The following GALNT14 variants were observed in gnomAD, a reference collection of about 807,000 sequenced individuals.
GALNT14 encodes the protein polypeptide N-acetylgalactosaminyltransferase 14.
Under a neutral mutation model 77.5 loss-of-function variants are expected in GALNT14, and 60 were observed. That is an observed-to-expected ratio of 0.77 (90% CI 0.63 to 0.96). GALNT14 has a LOEUF of 0.96. Among genes scored for constraint, GALNT14 ranks in the 40% least tolerant of loss-of-function variants. GALNT14 has a pLI of 0.00. For missense variants in GALNT14, 710 were observed against 731.0 expected (o/e 0.97, Z 0.33); for synonymous variants, 280 against 281.7 (o/e 0.99, Z 0.06).
chr2:31,008,528 C>T (rs763899529), intron 1 of GALNT14, among the ~76,000 whole-genome samples: 1 of 152,110 alleles, frequency 6.6e-6, no homozygotes, highest in African/African-American at 2.4e-5. Flanking sequence ...AATGGCTCCC[C>T]CCAGCCTTGC....
chr2:31,024,023 T>A lies in GALNT14; in HGVS notation c.130-31016A>T, dbSNP rs111321711. 4.6e-3 allele frequency among the ~76,000 whole-genome samples: 707 copies of A among 152,288 alleles called. 9 individuals are homozygous for A. Among genetic ancestry groups the A allele is most frequent in the African/African-American group, 0.016 (680 of 41,562 alleles). On this transcript the variant is annotated intron_variant, in intron 1 of 14. Transcript: ENST00000349752. ...GGCCCCAACCCGGTCTTGGTTTCCC[T>A]CTGGACCTGCTCCTACTGAGCTTCC...
In GALNT14 at chr2:30,955,970, G is replaced by A. The variant is rs1401295785; in HGVS notation, c.474C>T (p.Asp158=). The A allele has an allele frequency of 6.2e-7, 1 of 1,614,192 alleles. No individual in the cohort carries two copies. The part of the protein sequence containing the change: ...LVDDFSNDPD[D]CKQLIKLPKV... ...TGGGCAACTTGATGAGCTGTTTACA[G>A]TCATCAGCTGCAAAGACAAAAGGTT... The change falls in exon 5 of 15, where the codon GAC becomes GAT. Residue 158 remains aspartate, a synonymous_variant. Transcript: ENST00000349752.
At chr2:31,005,784 A>G (rs1670636765) in intron 1 of GALNT14, among the ~76,000 whole-genome samples, 1 of 152,218 alleles carries the variant, frequency 6.6e-6, no homozygotes, top group Non-Finnish European at 1.5e-5. Context: ...CCAAAGCTCC[A>G]TCTCACACGA....
chr2:30,962,925 G>C (rs1039851434), intron 3 of GALNT14, among the ~76,000 whole-genome samples: 1 of 152,148 alleles, frequency 6.6e-6, no homozygotes. Flanking sequence ...GTGAAAGGGA[G>C]GTATAGAATC....
At chr2:30,963,777 G>A (rs1224115718) in intron 3 of GALNT14, among the ~76,000 whole-genome samples, 1 of 152,212 alleles carries the variant, frequency 6.6e-6, no homozygotes, top group African/African-American at 2.4e-5. Flanking sequence ...GACTCCAAGT[G>A]TGGTACCCTT....
At chr2:30,977,712 A>T (rs1233117576) in intron 2 of GALNT14, among the ~76,000 whole-genome samples, 1 of 152,022 alleles carries the variant, frequency 6.6e-6, no homozygotes, top group Non-Finnish European at 1.5e-5. Flanking sequence ...CAAGGGTCCT[A>T]TGCCTCTTCC....
intron 1 of GALNT14, among the ~76,000 whole-genome samples, chr2:31,008,881 G>T (rs376716940): frequency 7.0e-4 from 107 of 152,286 alleles, no homozygotes; most frequent in African/African-American, 2.3e-3. Context: ...CTCCCTGCAC[G>T]GGTGGCCGGG....
At chr2:30,955,592 C>T (rs372237863) in intron 6 of GALNT14, 26 bp downstream of exon 6, 16 of 1,609,618 alleles carry the variant, frequency 9.9e-6, no homozygotes, top group African/African-American at 4.0e-5. Flanking sequence ...GCACGAGGCC[C>T]GGCCCTGCTC....
At chr2:31,054,046 C>G (rs1448853411) in intron 1 of GALNT14, among the ~76,000 whole-genome samples, 3 of 152,206 alleles carry the variant, frequency 2.0e-5, no homozygotes, top group Non-Finnish European at 4.4e-5. Flanking sequence ...TCCTCTGTGC[C>G]AGGCACTGAA....
the GALNT14 span, among the ~76,000 whole-genome samples, chr2:30,889,469 C>T: frequency 1.3e-5 from 2 of 152,130 alleles, no homozygotes; most frequent in Admixed American, 1.3e-4. Context: ...CTCCCCTTAC[C>T]CTAGCCCTCT....
intron 1 of GALNT14, among the ~76,000 whole-genome samples, chr2:31,068,862 T>C (rs1470785534): frequency 4.6e-5 from 7 of 152,222 alleles, no homozygotes; most frequent in Admixed American, 4.6e-4. Flanking sequence ...CAGATGAACC[T>C]TGAGAACATC....
intron 1 of GALNT14, among the ~76,000 whole-genome samples, chr2:31,017,352 T>C (rs1455330054): frequency 6.6e-6 from 1 of 152,222 alleles, no homozygotes; most frequent in Non-Finnish European, 1.5e-5. Flanking sequence ...TGATGGGCCC[T>C]TCCAATATGA....
intron 1 of GALNT14, among the ~76,000 whole-genome samples, chr2:31,133,133 G>A (rs928445722): frequency 2.6e-5 from 4 of 152,048 alleles, no homozygotes; most frequent in African/African-American, 9.7e-5. Flanking sequence ...CCCAGTCTCT[G>A]AATTTTCGGG....
At chr2:31,076,251 T>A (rs915040714) in intron 1 of GALNT14, among the ~76,000 whole-genome samples, 6 of 152,162 alleles carry the variant, frequency 3.9e-5, no homozygotes, top group African/African-American at 1.4e-4. Context: ...TTCTAACAAG[T>A]CTTCAAGGTC....
At chr2:30,895,338 G>A in the GALNT14 span, among the ~76,000 whole-genome samples, 1 of 112,074 alleles carries the variant, frequency 8.9e-6, no homozygotes, top group Admixed American at 8.1e-5. Context: ...GCTGTGCAGA[G>A]AGTCCCCTGG....
At chr2:30,965,512 A>ATCTGGGGGAGGAAT (rs1667949712) in intron 3 of GALNT14, among the ~76,000 whole-genome samples, 1 of 151,564 alleles carries the variant, frequency 6.6e-6, no homozygotes, top group East Asian at 2.0e-4. Flanking sequence ...GGGGGAGGAA[A>ATCTGGGGGAGGAAT]TCCTGGGTAA....
chr2:30,960,758 G>C (rs1667646494), intron 3 of GALNT14, among the ~76,000 whole-genome samples: 1 of 152,092 alleles, frequency 6.6e-6, no homozygotes, highest in Non-Finnish European at 1.5e-5. Context: ...CACCCTGGGA[G>C]GGAATGGTTG....
intron 1 of GALNT14, among the ~76,000 whole-genome samples, chr2:31,124,798 G>T (rs987370315): frequency 4.6e-5 from 7 of 152,164 alleles, no homozygotes; most frequent in African/African-American, 1.4e-4. Context: ...CCCACCTTGT[G>T]GGGTGGTTGT....
the GALNT14 span, among the ~76,000 whole-genome samples, chr2:30,891,785 C>G: frequency 1.3e-4 from 20 of 152,140 alleles, 1 homozygote; most frequent in South Asian, 3.8e-3. Context: ...AGCCTCTCCC[C>G]GAGAGAATGA....
Sources: gnomAD v4.1 joint callset for allele counts (sites outside exome capture counted in the v4.1 genomes callset) on GRCh38, gnomAD v4.1.1 for gene constraint, MANE v1.5 for transcripts, NCBI Gene and HGNC (gene_info 2026-07-23, HGNC 2026-07-21) for gene names.